FBLN2: variants seen among roughly 807,000 people sequenced by gnomAD.
FBLN2 encodes fibulin 2, also known as fibulin-2.
FBLN2 carries 81 observed loss-of-function variants against 123.7 expected under a neutral mutation model. The ratio of observed to expected loss-of-function variants is 0.65; its 90% CI spans 0.55 to 0.79. FBLN2 has a LOEUF of 0.79. Ranked by LOEUF, FBLN2 falls within the 30% of genes least tolerant of loss-of-function variation. The pLI, the probability that FBLN2 is intolerant of heterozygous loss-of-function variation, is 0.00. For missense variants in FBLN2, 1,603 were observed against 1,681.3 expected (o/e 0.95, Z 0.81); for synonymous variants, 699 against 701.4 (o/e 1.00, Z 0.05).
chr3:13,562,034 G>T (rs1219680911), intron 1 of FBLN2, among the ~76,000 whole-genome samples: 2 of 152,214 alleles, frequency 1.3e-5, no homozygotes, highest in African/African-American at 4.8e-5. Context: ...GTGATAGTTA[G>T]ACACGAACTT....
At chr3:13,628,102 A>T in intron 11 of FBLN2, 133 bp downstream of exon 11, 1 of 1,165,286 alleles carries the variant, frequency 8.6e-7, no homozygotes. Context: ...CCTTGTCCCT[A>T]CCTGTGAATG....
intron 16 of FBLN2, among the ~76,000 whole-genome samples, chr3:13,632,858 G>T (rs1219678598): frequency 6.6e-6 from 1 of 151,948 alleles, no homozygotes; most frequent in Non-Finnish European, 1.5e-5. Flanking sequence ...AAAAAAAGTC[G>T]GTATGGACTC....
intron 2 of FBLN2, among the ~76,000 whole-genome samples, chr3:13,582,233 G>A (rs962374172): frequency 6.6e-5 from 10 of 152,154 alleles, no homozygotes; most frequent in African/African-American, 1.7e-4. Flanking sequence ...TCCTGTTCAC[G>A]CACCCAGGCC....
chr3:13,556,781 T>G (rs1317383295), intron 1 of FBLN2, among the ~76,000 whole-genome samples: 1 of 152,170 alleles, frequency 6.6e-6, no homozygotes, highest in African/African-American at 2.4e-5. Context: ...CACAGTGACT[T>G]CGGAAGTTGG....
intron 17 of FBLN2, 30 bp downstream of exon 17, chr3:13,636,598 A>G (rs1319483674): frequency 6.2e-7 from 1 of 1,608,274 alleles, no homozygotes; most frequent in South Asian, 1.1e-5. Flanking sequence ...TCCCAGTCCC[A>G]GGGAGCCTGT....
chr3:13,575,652 C>T (rs1358273146), intron 2 of FBLN2, among the ~76,000 whole-genome samples: 1 of 152,112 alleles, frequency 6.6e-6, no homozygotes, highest in African/African-American at 2.4e-5. Context: ...ATCCCACAGC[C>T]CAGACCACAG....
intron 1 of FBLN2, among the ~76,000 whole-genome samples, chr3:13,567,130 G>A (rs1703771161): frequency 6.6e-6 from 1 of 152,234 alleles, no homozygotes; most frequent in African/African-American, 2.4e-5. Context: ...GGGGGCCAAG[G>A]GGCCAGGTCA....
At position 13,628,971 on chromosome 3, in the gene FBLN2, G is replaced by C. The variant is rs985522824; in HGVS notation, c.2636G>C (p.Gly879Ala). Reference protein sequence around the residue: ...RPGFSCINTVGSYTCQRNPLI... With the variant: ...RPGFSCINTVASYTCQRNPLI... ...GGCTTCAGCTGCATCAACACGGTGG[G>C]CTCCTACACATGCCAGAGGAACCCG... The change falls in exon 12 of 18, where the codon GGC (glycine) becomes GCC (alanine). Residue 879 changes from glycine (G) to alanine (A), a missense_variant. Coordinates refer to ENST00000404922, the MANE Select transcript of FBLN2 (RefSeq NM_001004019.2). 6.2e-7 allele frequency: 1 copy of C among 1,613,454 alleles called. No individual in the cohort carries two copies. The highest frequency in any genetic ancestry group is 8.5e-7 in the Non-Finnish European group (1 of 1,179,778).
At chr3:13,610,402 G>A (rs1259761655) in intron 4 of FBLN2, among the ~76,000 whole-genome samples, 1 of 152,166 alleles carries the variant, frequency 6.6e-6, no homozygotes, top group Non-Finnish European at 1.5e-5. Context: ...CACATGGGAG[G>A]TGGGATTGGG....
intron 1 of FBLN2, among the ~76,000 whole-genome samples, chr3:13,552,008 T>A (rs1170016778): frequency 6.6e-6 from 1 of 151,896 alleles, no homozygotes; most frequent in African/African-American, 2.4e-5. Flanking sequence ...GCCAGCTAAT[T>A]TTCTATTTTT....
chr3:13,623,567 C>T (rs1705928304), intron 9 of FBLN2, among the ~76,000 whole-genome samples: 1 of 152,194 alleles, frequency 6.6e-6, no homozygotes, highest in Non-Finnish European at 1.5e-5. Flanking sequence ...TGTACGTCCA[C>T]AAATGTCCAC....
Position 13,619,762 on chromosome 3 carries a change from G to C in FBLN2, c.2086G>C (p.Val696Leu). The change falls in exon 8 of 18, where the codon GTT becomes CTT. Residue 696 changes from valine to leucine, a missense_variant. By Grantham distance (32) the Val-to-Leu change is conservative. Transcript: ENST00000404922. ...NGPCKQVCST[V>L]GGSAICSCFP... ...ACCCTGCAAGCAGGTGTGCAGCACT[G>C]TTGGGGGCTCAGCCATATGCTCCTG... 6.2e-7 allele frequency: 1 copy of C among 1,613,446 alleles called. No homozygotes were observed.
intron 1 of FBLN2, among the ~76,000 whole-genome samples, chr3:13,563,601 C>T (rs545263672): frequency 3.3e-5 from 5 of 152,374 alleles, no homozygotes; most frequent in African/African-American, 1.2e-4. Context: ...TGCCCTCAAG[C>T]GTCCCTGCCT....
Position 13,571,300 on chromosome 3 carries a change from C to T in FBLN2, c.945C>T (p.Pro315=). 6.3e-7 allele frequency: 1 copy of T among 1,587,010 alleles called. No individual in the cohort carries two copies. Among genetic ancestry groups the T allele is most frequent in the South Asian group, 1.1e-5 (1 of 87,018 alleles). The change falls in exon 2 of 18, where the codon CCC becomes CCT. Residue 315 remains proline, a synonymous_variant. Coordinates refer to ENST00000404922, the MANE Select transcript of FBLN2 (RefSeq NM_001004019.2). ...TGCCCACTACAGCCCCAGCTGGACC[C>T]AGTCTTCCTATCCAGGAGGAGAGGG... The part of the protein sequence containing the change: ...DGLPTTAPAG[P]SLPIQEERAE...
rs1264877212 is a variant in FBLN2, at chr3:13,636,474, A to T, written c.3244A>T (p.Asn1082Tyr). The change falls in exon 17 of 18, where the codon AAC (asparagine) becomes TAC (tyrosine). Residue 1082 changes from asparagine to tyrosine, a missense_variant. Coordinates refer to ENST00000404922, the MANE Select transcript of FBLN2 (RefSeq NM_001004019.2). The part of the protein sequence containing the change: ...DVDECALGTH[N>Y]CSEAETCHNI... ...GGATGAGTGTGCACTGGGTACCCAC[A>T]ACTGTTCCGAGGCTGAGACCTGCCA... The T allele has an allele frequency of 1.2e-6, 2 of 1,613,588 alleles. No individual in the cohort carries two copies. The highest frequency in any genetic ancestry group is 2.7e-5 in the African/African-American group (2 of 74,938).
intron 2 of FBLN2, among the ~76,000 whole-genome samples, chr3:13,607,004 C>A (rs551196754): frequency 6.7e-6 from 1 of 150,030 alleles, no homozygotes; most frequent in Non-Finnish European, 1.5e-5. Flanking sequence ...TGTTTTTTCC[C>A]CGGGACGGAG....
chr3:13,609,599 G>A lies in FBLN2; in HGVS notation c.1505G>A (p.Cys502Tyr), dbSNP rs781130634. ...CTGGGAGCCAAGGAGGGTGAGACCTGTGGGGCTGAGGACAACGACAGCTGC... is the reference window on the plus strand; with the variant it reads ...CTGGGAGCCAAGGAGGGTGAGACCTATGGGGCTGAGGACAACGACAGCTGC... ...GVLGAKEGETCGAEDNDSCGI... is the reference protein window; with the variant it reads ...GVLGAKEGETYGAEDNDSCGI... The change falls in exon 4 of 18, where the codon TGT (cysteine) becomes TAT (tyrosine). Residue 502 changes from cysteine to tyrosine, a missense_variant. Physicochemically the swap from Cys to Tyr is radical, Grantham distance 194. Transcript: ENST00000404922. 1 of 1,571,322 alleles carries A rather than the reference G, an allele frequency of 6.4e-7. No homozygotes were observed. Among genetic ancestry groups the A allele is most frequent in the South Asian group, 1.2e-5 (1 of 85,246 alleles).
chr3:13,594,929 C>G (rs79324079), intron 2 of FBLN2, among the ~76,000 whole-genome samples: 2,081 of 152,292 alleles, frequency 0.014, 58 homozygotes, highest in African/African-American at 0.048. Flanking sequence ...CTTCCGTTCC[C>G]TTCTTTCCTT....
At chr3:13,630,278 G>A (rs77193601) in intron 14 of FBLN2, among the ~76,000 whole-genome samples, 1,749 of 152,292 alleles carry the variant, frequency 0.011, 13 homozygotes, top group Non-Finnish European at 0.018. Context: ...TGTGCGGGAC[G>A]CGCCTGTGGC....
Sources: allele counts gnomAD v4.1 joint callset (sites outside exome capture counted in the v4.1 genomes callset), GRCh38; gene constraint gnomAD v4.1.1; transcripts MANE v1.5; gene names NCBI Gene and HGNC (gene_info 2026-07-23, HGNC 2026-07-21).